CDH13: variants seen among roughly 807,000 people sequenced by gnomAD.
CDH13 encodes the protein cadherin 13, also known as cadherin-13.
A neutral mutation model predicts 63.8 loss-of-function variants in CDH13; 24 were observed. That is an observed-to-expected ratio of 0.38 (90% CI 0.27 to 0.53). The LOEUF (loss-of-function observed/expected upper bound fraction) is 0.53. CDH13 is among the 20% of genes least tolerant of loss of function. The pLI is 0.85. For synonymous variants in CDH13, 503 were observed against 355.3 expected (o/e 1.42, Z -4.67); for missense variants, 1,049 against 903.1 (o/e 1.16, Z -2.07).
intron 1 of CDH13, among the ~76,000 whole-genome samples, chr16:82,631,587 TC>T (rs374567050): frequency 1.5e-3 from 232 of 152,220 alleles, no homozygotes; most frequent in African/African-American, 5.2e-3. Context: ...CCAATATAAT[TC>T]CCCACAGCCC....
intron 1 of CDH13, among the ~76,000 whole-genome samples, chr16:82,737,884 C>G: frequency 6.6e-6 from 1 of 152,152 alleles, no homozygotes; most frequent in East Asian, 1.9e-4. Context: ...ACTGGTGAAA[C>G]CATCAGCTTC....
intron 1 of CDH13, among the ~76,000 whole-genome samples, chr16:82,756,583 A>C (rs1236477090): frequency 6.6e-6 from 1 of 152,138 alleles, no homozygotes; most frequent in East Asian, 1.9e-4. Context: ...GGGAACATTA[A>C]ATGAGGCTAT....
rs141900614 is a variant in CDH13, at chr16:83,793,944, T to C, written c.2135-1079T>C. On this transcript the variant is annotated intron_variant, in intron 13 of 13. Transcript: ENST00000567109. ...ATAAGAGGGACAAAGGAAGAGTCGA[T>C]TAGAAACAGACCATGTGATGACAGA... 3.2e-4 allele frequency among the ~76,000 whole-genome samples: 49 copies of C among 151,606 alleles called. 1 individual carries two copies. Among genetic ancestry groups the C allele is most frequent in the South Asian group, 6.4e-4 (3 of 4,716 alleles).
chr16:82,941,446 C>T (rs1904285687), intron 2 of CDH13, among the ~76,000 whole-genome samples: 1 of 152,196 alleles, frequency 6.6e-6, no homozygotes, highest in Admixed American at 6.5e-5. Flanking sequence ...CTAAGATCAG[C>T]TTCTGCTTAT....
intron 7 of CDH13, among the ~76,000 whole-genome samples, chr16:83,518,320 A>T (rs2074746769): frequency 6.8e-6 from 1 of 146,988 alleles, no homozygotes; most frequent in Non-Finnish European, 1.5e-5. Flanking sequence ...ATTTTTTTGT[A>T]TTTTTTAGTA....
chr16:82,687,878 C>G (rs965087602), intron 1 of CDH13, among the ~76,000 whole-genome samples: 9 of 152,232 alleles, frequency 5.9e-5, no homozygotes, highest in African/African-American at 2.2e-4. Flanking sequence ...GGCAAACCGT[C>G]AGGGATGCTA....
At chr16:83,223,157 A>G (rs2039747546) in intron 5 of CDH13, among the ~76,000 whole-genome samples, 1 of 152,200 alleles carries the variant, frequency 6.6e-6, no homozygotes, top group Non-Finnish European at 1.5e-5. Context: ...TATAAAGAAG[A>G]GAATCGTATT....
chr16:83,716,762 A>G (rs983180532), intron 10 of CDH13, among the ~76,000 whole-genome samples: 2 of 152,184 alleles, frequency 1.3e-5, no homozygotes, highest in African/African-American at 2.4e-5. Context: ...GATTATAGGC[A>G]TGAGCCACCG....
chr16:83,334,920 T>G (rs373079723), intron 5 of CDH13, among the ~76,000 whole-genome samples: 2 of 152,204 alleles, frequency 1.3e-5, no homozygotes, highest in Non-Finnish European at 2.9e-5. Context: ...AGCCTGTACA[T>G]ATATTGATAA....
chr16:83,433,623 G>C (rs1263283691), intron 6 of CDH13, among the ~76,000 whole-genome samples: 2 of 152,192 alleles, frequency 1.3e-5, no homozygotes, highest in Non-Finnish European at 2.9e-5. Flanking sequence ...ACTCAGGAGT[G>C]TAACCACCAG....
chr16:83,007,836 A>AAG (rs1057019078), intron 2 of CDH13, among the ~76,000 whole-genome samples: 1 of 151,884 alleles, frequency 6.6e-6, no homozygotes, highest in African/African-American at 2.4e-5. Flanking sequence ...AAAAAAAAAA[A>AAG]AGAGAGAAAA....
chr16:82,723,602 G>C (rs922161769), intron 1 of CDH13, among the ~76,000 whole-genome samples: 3 of 152,142 alleles, frequency 2.0e-5, no homozygotes, highest in Non-Finnish European at 4.4e-5. Flanking sequence ...GATGGAAAGA[G>C]GAGTCTAGGT....
chr16:83,111,589 C>G (rs1567840222), intron 3 of CDH13, among the ~76,000 whole-genome samples: 2 of 152,136 alleles, frequency 1.3e-5, no homozygotes, highest in African/African-American at 2.4e-5. Flanking sequence ...AGAGTCTCCA[C>G]TAGAGCATAT....
intron 1 of CDH13, among the ~76,000 whole-genome samples, chr16:82,645,289 C>T (rs1909958032): frequency 6.6e-6 from 1 of 152,136 alleles, no homozygotes; most frequent in South Asian, 2.1e-4. Flanking sequence ...TTTCCAGATT[C>T]CACTGGGTTT....
At chr16:82,798,155 C>T (rs889796203) in intron 1 of CDH13, among the ~76,000 whole-genome samples, 7 of 152,266 alleles carry the variant, frequency 4.6e-5, no homozygotes, top group Admixed American at 2.6e-4. Flanking sequence ...AGCTGTCTAC[C>T]GGAAACCAGG....
At chr16:83,433,162 G>C (rs184252251) in intron 6 of CDH13, among the ~76,000 whole-genome samples, 2 of 152,166 alleles carry the variant, frequency 1.3e-5, no homozygotes, top group East Asian at 1.9e-4. Context: ...CCAAGTCCCC[G>C]TCTTCCTGGA....
chr16:82,845,903 T>C (rs972916395), intron 1 of CDH13, among the ~76,000 whole-genome samples: 4 of 152,244 alleles, frequency 2.6e-5, no homozygotes, highest in Non-Finnish European at 5.9e-5. Context: ...TTTTTCCTTT[T>C]AAGTTTTCCA....
intron 6 of CDH13, among the ~76,000 whole-genome samples, chr16:83,346,642 C>A (rs2090846147): frequency 6.6e-6 from 1 of 152,176 alleles, no homozygotes; most frequent in South Asian, 2.1e-4. Flanking sequence ...TTTCCTCCCA[C>A]TGTGCCTGTC....
intron 1 of CDH13, among the ~76,000 whole-genome samples, chr16:82,652,706 G>GTTT (rs10719140): frequency 8.3e-6 from 1 of 120,992 alleles, no homozygotes; most frequent in African/African-American, 3.0e-5. Flanking sequence ...ACCTAGAATT[G>GTTT]TTTTTTTTTT....
Sources: gnomAD v4.1 joint callset for allele counts (sites outside exome capture counted in the v4.1 genomes callset) on GRCh38, gnomAD v4.1.1 for gene constraint, MANE v1.5 for transcripts, NCBI Gene and HGNC (gene_info 2026-07-23, HGNC 2026-07-21) for gene names.